Variants in SKP2 observed in about 807,000 individuals in gnomAD.
The protein encoded by SKP2 is S-phase kinase-associated protein 2.
Under a neutral mutation model 51.8 loss-of-function variants are expected in SKP2, and 16 were observed. The ratio of observed to expected loss-of-function variants is 0.31; its 90% CI spans 0.21 to 0.47. The LOEUF (loss-of-function observed/expected upper bound fraction) is 0.47. Ranked by LOEUF, SKP2 falls within the 20% of genes least tolerant of loss-of-function variation. The pLI, the probability that SKP2 is intolerant of heterozygous loss-of-function variation, is 1.00. For synonymous variants in SKP2, 176 were observed against 198.6 expected (o/e 0.89, Z 0.96); for missense variants, 377 against 505.3 (o/e 0.75, Z 2.43).
chr5:36,172,842 T>C (rs1403854902), intron 7 of SKP2, among the ~76,000 whole-genome samples: 1 of 151,986 alleles, frequency 6.6e-6, no homozygotes, highest in Non-Finnish European at 1.5e-5. Context: ...TCAGACAAGG[T>C]GAACACTTTC....
chr5:36,187,753 A>G (rs2112024355), downstream of SKP2, among the ~76,000 whole-genome samples: 1 of 152,268 alleles, frequency 6.6e-6, no homozygotes, highest in East Asian at 1.9e-4. Flanking sequence ...TATTAGGTCC[A>G]GTTGGTGGAG....
intron 6 of SKP2, among the ~76,000 whole-genome samples, chr5:36,190,879 C>T (rs753369227): frequency 2.9e-4 from 44 of 151,996 alleles, no homozygotes; most frequent in African/African-American, 9.7e-4. Context: ...GATTTTCCTG[C>T]GTGAATCCTG....
In SKP2 at chr5:36,184,184, C is replaced by T; in HGVS notation, c.*2153C>T. On this transcript the variant is annotated 3_prime_UTR_variant, in exon 10 of 10. Transcript: ENST00000274255. The stretch of plus-strand genomic sequence containing the variant: ...AGCCCTGAGATGGTCCTTTTTGACC[C>T]ATCTACTTCATATGCTTGTCACATT... 1 of 415,300 alleles carries T rather than the reference C, an allele frequency of 2.4e-6. No individual in the cohort carries two copies. The highest frequency in any genetic ancestry group is 3.8e-5 in the East Asian group (1 of 26,166). 25.7% of individuals were successfully genotyped at this position (415,300 alleles called of 1,614,324 possible). A position where few individuals can be genotyped will look rare whatever the true frequency, so the allele number is the denominator to read the frequency against.
downstream of SKP2, among the ~76,000 whole-genome samples, chr5:36,186,658 T>C (rs1579583214): frequency 6.6e-6 from 1 of 151,402 alleles, no homozygotes; most frequent in African/African-American, 2.4e-5. Context: ...CAGTATTTTA[T>C]TGAGGATTTT....
At position 36,182,819 on chromosome 5, in the gene SKP2, C is replaced by T. The variant is rs534607462; in HGVS notation, c.*788C>T. ...TAACTTGATAATCAAATTATGTTAA[C>T]ATGGGTCCTTTAGCTTTTAAAATGA... On this transcript the variant is annotated 3_prime_UTR_variant, in exon 10 of 10. Transcript: ENST00000274255. The T allele has an allele frequency of 1.5e-4, 152 of 981,680 alleles. No individual in the cohort carries two copies. The African/African-American group carries it at 2.4e-3, about 16-fold the overall frequency. The allele number at this position is 981,680 out of a possible 1,614,324, so 60.8% of individuals were successfully genotyped here.
Position 36,177,281 on chromosome 5 carries a change from T to C in SKP2, c.1050T>C (p.Pro350=), listed in dbSNP as rs1253509962. Residue 350 remains proline (P), a synonymous_variant, in exon 9 of 10, where the codon CCT becomes CCC. Transcript: ENST00000274255. The part of the protein sequence containing the change: ...LSLSRCYDII[P]ETLLELGEIP... ...TCAGTCGGTGCTATGATATAATACC[T>C]GAAACTTTACTGTAAGTATGTTTTG... The C allele has an allele frequency of 3.8e-6, 6 of 1,592,890 alleles. No individual in the cohort carries two copies. The highest frequency in any genetic ancestry group is 5.2e-6 in the Non-Finnish European group (6 of 1,161,276).
chr5:36,178,975 G>C (rs999241250), intron 9 of SKP2, among the ~76,000 whole-genome samples: 2 of 152,050 alleles, frequency 1.3e-5, no homozygotes, highest in African/African-American at 4.8e-5. Context: ...TTACAAACAC[G>C]GGTCTGAAGT....
intron 1 of SKP2, among the ~76,000 whole-genome samples, 191 bp downstream of exon 1, chr5:36,152,461 TC>T (rs1446691659): frequency 2.6e-5 from 4 of 152,176 alleles, no homozygotes; most frequent in Non-Finnish European, 5.9e-5. Context: ...TTATTTGGCT[TC>T]CCTAATTGGG....
intron 6 of SKP2, among the ~76,000 whole-genome samples, chr5:36,190,459 A>AGCTG (rs1483265570): frequency 8.8e-5 from 2 of 22,690 alleles, no homozygotes; most frequent in Admixed American, 3.3e-4. Flanking sequence ...AATAAAAGTC[A>AGCTG]GCAGCATTTT....
chr5:36,162,574 G>A (rs562092473), intron 2 of SKP2, among the ~76,000 whole-genome samples: 1 of 152,180 alleles, frequency 6.6e-6, no homozygotes, highest in Admixed American at 6.5e-5. Flanking sequence ...GAAGTCCCAC[G>A]AAGGTAGTGT....
intron 5 of SKP2, 82 bp from the exon 6 acceptor site, chr5:36,170,262 C>A: frequency 1.3e-6 from 1 of 762,124 alleles, no homozygotes; most frequent in South Asian, 1.7e-5. Flanking sequence ...AGCTTAACTA[C>A]ACTCGCCTGC....
intron 9 of SKP2, among the ~76,000 whole-genome samples, chr5:36,181,185 T>C (rs1204210633): frequency 6.6e-6 from 1 of 152,170 alleles, no homozygotes; most frequent in Non-Finnish European, 1.5e-5. Context: ...AGATGGCTAT[T>C]ACCTCCTATA....
intron 2 of SKP2, among the ~76,000 whole-genome samples, chr5:36,160,272 T>C (rs948197872): frequency 1.3e-5 from 2 of 152,208 alleles, no homozygotes; most frequent in African/African-American, 4.8e-5. Flanking sequence ...CAGATTATAG[T>C]AAAATCTCAA....
chr5:36,167,125 T>C (rs534811701), intron 4 of SKP2, among the ~76,000 whole-genome samples: 3 of 142,774 alleles, frequency 2.1e-5, no homozygotes, highest in African/African-American at 8.5e-5. Context: ...GCCCTCTTTT[T>C]GTTTGTTTTG....
Position 36,170,409 on chromosome 5 carries a change from T to A in SKP2, c.737T>A (p.Phe246Tyr). The change falls in exon 6 of 10, where the codon TTT (phenylalanine) becomes TAT (tyrosine). Residue 246 changes from phenylalanine to tyrosine, a missense_variant. By Grantham distance (22) the Phe-to-Tyr change is conservative. Coordinates refer to ENST00000274255, the MANE Select transcript of SKP2 (RefSeq NM_005983.4). ...NLSGCSGFSE[F>Y]ALQTLLSSCS... ...TCTGGGTGTTCTGGATTCTCTGAAT[T>A]TGCCCTGCAGACTTTGCTAAGCAGC... The A allele has an allele frequency of 6.2e-7, 1 of 1,613,236 alleles. No homozygotes were observed. Among genetic ancestry groups the A allele is most frequent in the Non-Finnish European group, 8.5e-7 (1 of 1,179,432 alleles).
In SKP2 at chr5:36,152,187, G is replaced by GC; in HGVS notation, c.-74dup. The GC allele has an allele frequency of 6.5e-7, 1 of 1,549,972 alleles. No individual in the cohort carries two copies. The highest frequency in any genetic ancestry group is 8.9e-7 in the Non-Finnish European group (1 of 1,123,036). ...AGCAGCACGCTCGGAGCCGCCGCGC[G>GC]CCAAAGCGGGAATCTGGGAGGCGAG... On this transcript the variant is annotated 5_prime_UTR_variant, in exon 1 of 10. Coordinates refer to ENST00000274255, the MANE Select transcript of SKP2 (RefSeq NM_005983.4).
rs1288520763 is a variant in SKP2, at chr5:36,183,661, TTTATA to T, written c.*1634_*1638del. Reference sequence around the variant, plus strand: ...CAACAAAAAAAGCTAACACCAGTCATTTATATTAACTTTTTTTTTTTAAATCAAAA... The same window carrying T: ...CAACAAAAAAAGCTAACACCAGTCATTTAACTTTTTTTTTTTAAATCAAAA... On this transcript the variant is annotated 3_prime_UTR_variant, in exon 10 of 10. Transcript: ENST00000274255. 1 of 1,237,296 alleles carries T rather than the reference TTTATA, an allele frequency of 8.1e-7. No homozygotes were observed. The highest frequency in any genetic ancestry group is 1.0e-6 in the Non-Finnish European group (1 of 986,090). The allele number at this position is 1,237,296 out of a possible 1,614,324, so 76.6% of individuals were successfully genotyped here. A position where few individuals can be genotyped will look rare whatever the true frequency, so the allele number is the denominator to read the frequency against.
At chr5:36,155,816 T>G (rs1381927250) in intron 2 of SKP2, among the ~76,000 whole-genome samples, 1 of 152,100 alleles carries the variant, frequency 6.6e-6, no homozygotes, top group Non-Finnish European at 1.5e-5. Flanking sequence ...CTTCCACAAG[T>G]GAAAAAGAAT....
At chr5:36,177,328 C>G (rs1165092483) in intron 9 of SKP2, 36 bp downstream of exon 9, 5 of 1,219,348 alleles carry the variant, frequency 4.1e-6, no homozygotes, top group Non-Finnish European at 6.1e-6. Flanking sequence ...TAATAGAAGG[C>G]AGGAAACAAC....
Sources: gnomAD v4.1 joint callset for allele counts (sites outside exome capture counted in the v4.1 genomes callset) on GRCh38, gnomAD v4.1.1 for gene constraint, MANE v1.5 for transcripts, NCBI Gene and HGNC (gene_info 2026-07-23, HGNC 2026-07-21) for gene names.